SDK1: variants seen among roughly 807,000 people sequenced by gnomAD.
The protein encoded by SDK1 is sidekick cell adhesion molecule 1, also known as protein sidekick-1.
Under a neutral mutation model 245.5 loss-of-function variants are expected in SDK1, and 157 were observed. The ratio of observed to expected loss-of-function variants is 0.64; its 90% CI spans 0.56 to 0.73. The LOEUF (loss-of-function observed/expected upper bound fraction) is 0.73. Ranked by LOEUF, SDK1 falls within the 30% of genes least tolerant of loss-of-function variation. SDK1 has a pLI of 0.00. For synonymous variants in SDK1, 1,647 were observed against 1,278.5 expected, an observed-to-expected ratio of 1.29 and a Z score of -6.15; for missense variants, 3,583 against 3,002.3, an observed-to-expected ratio of 1.19 and a Z score of -4.52.
rs550377627 is a variant in SDK1, at chr7:4,147,764, C to G, written c.4424-1498C>G. ...TGCTGCCACCCTGGGTATCAGCACTCAGGGCTGTCGGCTTCTCAGGAAGAT... is the reference window on the plus strand; with the variant it reads ...TGCTGCCACCCTGGGTATCAGCACTGAGGGCTGTCGGCTTCTCAGGAAGAT... On this transcript the variant is annotated intron_variant, in intron 29 of 44. Coordinates refer to ENST00000404826, the MANE Select transcript of SDK1 (RefSeq NM_152744.4). Among the ~76,000 whole-genome samples the G allele has an allele frequency of 2.6e-5, 4 of 152,208 alleles. No individual in the cohort carries two copies. The East Asian group carries it at 7.7e-4, about 29-fold the overall frequency.
chr7:3,417,760 T>C (rs1779414620), intron 1 of SDK1, among the ~76,000 whole-genome samples: 2 of 152,130 alleles, frequency 1.3e-5, no homozygotes, highest in Admixed American at 6.6e-5. Context: ...TGAGGGAGAT[T>C]TGTTGAGTGA....
chr7:3,572,948 G>C (rs568033816), intron 1 of SDK1, among the ~76,000 whole-genome samples: 1 of 152,072 alleles, frequency 6.6e-6, no homozygotes, highest in East Asian at 1.9e-4. Context: ...ATAGGAGGTG[G>C]AGAGAGAGGT....
chr7:3,447,881 T>C (rs1448493506), intron 1 of SDK1, among the ~76,000 whole-genome samples: 2 of 151,930 alleles, frequency 1.3e-5, no homozygotes, highest in Non-Finnish European at 2.9e-5. Flanking sequence ...ATTTCGTATT[T>C]TTAGTAGAGA....
chr7:3,594,186 A>G (rs963867265), intron 1 of SDK1, among the ~76,000 whole-genome samples: 1 of 152,196 alleles, frequency 6.6e-6, no homozygotes, highest in African/African-American at 2.4e-5. Flanking sequence ...AGGGACATTT[A>G]TATTAATGTA....
chr7:4,117,415 C>T (rs1378149799), intron 25 of SDK1, among the ~76,000 whole-genome samples: 1 of 152,206 alleles, frequency 6.6e-6, no homozygotes, highest in Non-Finnish European at 1.5e-5. Context: ...CTGCACTGAG[C>T]TATGATCGCA....
At chr7:3,524,471 G>C (rs904201999) in intron 1 of SDK1, among the ~76,000 whole-genome samples, 1 of 152,122 alleles carries the variant, frequency 6.6e-6, no homozygotes, top group Non-Finnish European at 1.5e-5. Flanking sequence ...GTATAGGATT[G>C]GGGAATATAT....
chr7:3,316,085 T>C (rs760955031), intron 1 of SDK1, among the ~76,000 whole-genome samples: 19 of 152,168 alleles, frequency 1.2e-4, no homozygotes, highest in Non-Finnish European at 2.6e-4. Flanking sequence ...TAATGGTAGA[T>C]GGTAGATAGT....
At chr7:3,771,239 C>T (rs1484240622) in intron 4 of SDK1, among the ~76,000 whole-genome samples, 1 of 151,928 alleles carries the variant, frequency 6.6e-6, no homozygotes, top group Non-Finnish European at 1.5e-5. Flanking sequence ...TGCAGGGATC[C>T]AGGATAGTGT....
At chr7:4,237,338 G>A (rs1229786774) in intron 41 of SDK1, among the ~76,000 whole-genome samples, 1 of 151,954 alleles carries the variant, frequency 6.6e-6, no homozygotes, top group Non-Finnish European at 1.5e-5. Context: ...CAAGGTCAGG[G>A]CAAGGACAAA....
intron 4 of SDK1, among the ~76,000 whole-genome samples, chr7:3,787,756 A>G (rs147082823): frequency 1.3e-5 from 2 of 152,312 alleles, no homozygotes; most frequent in African/African-American, 4.8e-5. Context: ...GTTGACCTGC[A>G]TGGCAGAAGT....
At chr7:4,195,548 C>G (rs1002393942) in intron 35 of SDK1, among the ~76,000 whole-genome samples, 4 of 152,218 alleles carry the variant, frequency 2.6e-5, no homozygotes. Context: ...TTCCCACTGT[C>G]TGCCTGGCAT....
At chr7:4,167,994 G>A (rs1440447420) in intron 32 of SDK1, among the ~76,000 whole-genome samples, 1 of 152,212 alleles carries the variant, frequency 6.6e-6, no homozygotes, top group African/African-American at 2.4e-5. Flanking sequence ...TCCGGAGTTG[G>A]AGAGCCTCTT....
rs968448880 is a variant in SDK1 at position 3,360,101 on chromosome 7, T to C, written c.298+58217T>C. Among the ~76,000 whole-genome samples the C allele has an allele frequency of 1.2e-4, 18 of 152,230 alleles. 1 individual carries two copies. The highest frequency in any genetic ancestry group is 6.5e-4 in the Admixed American group (10 of 15,288). ...GAGAAGTTTTTTTCCTCTTATGTCATGGCCTTCAGCATTCTTAGACCAGAG... is the reference window on the plus strand; with the variant it reads ...GAGAAGTTTTTTTCCTCTTATGTCACGGCCTTCAGCATTCTTAGACCAGAG... On this transcript the variant is annotated intron_variant, in intron 1 of 44. Transcript: ENST00000404826.
intron 21 of SDK1, among the ~76,000 whole-genome samples, chr7:4,077,883 T>C (rs949303547): frequency 6.6e-6 from 1 of 152,098 alleles, no homozygotes; most frequent in Non-Finnish European, 1.5e-5. Context: ...CCAAACCATA[T>C]CAATGATGAT....
chr7:4,143,029 G>A (rs187830924), intron 28 of SDK1, among the ~76,000 whole-genome samples: 11 of 152,252 alleles, frequency 7.2e-5, no homozygotes, highest in Admixed American at 1.3e-4. Context: ...GGGGAACTCC[G>A]ACCCAGGGAG....
chr7:4,057,280 C>T (rs993316390), intron 19 of SDK1, among the ~76,000 whole-genome samples: 4 of 152,176 alleles, frequency 2.6e-5, no homozygotes, highest in African/African-American at 9.7e-5. Context: ...CCAGTATGAG[C>T]AACACTATCC....
At chr7:3,773,527 A>G (rs1265187099) in intron 4 of SDK1, among the ~76,000 whole-genome samples, 1 of 152,150 alleles carries the variant, frequency 6.6e-6, no homozygotes, top group Non-Finnish European at 1.5e-5. Flanking sequence ...ATTAGCCATC[A>G]GGGCTTTTTC....
At chr7:3,394,441 A>G (rs1176582125) in intron 1 of SDK1, among the ~76,000 whole-genome samples, 1 of 152,124 alleles carries the variant, frequency 6.6e-6, no homozygotes, top group African/African-American at 2.4e-5. Context: ...GTACCTTTAT[A>G]TAAGATTTGA....
At chr7:3,329,197 A>G (rs1026744987) in intron 1 of SDK1, among the ~76,000 whole-genome samples, 6 of 152,138 alleles carry the variant, frequency 3.9e-5, no homozygotes, top group Admixed American at 3.3e-4. Context: ...CATTTTGCAG[A>G]TAATGGTTGG....
Sources: allele counts gnomAD v4.1 joint callset (sites outside exome capture counted in the v4.1 genomes callset), GRCh38; gene constraint gnomAD v4.1.1; transcripts MANE v1.5; gene names NCBI Gene and HGNC (gene_info 2026-07-23, HGNC 2026-07-21).